Variants in ERBIN observed in about 807,000 individuals in gnomAD.
ERBIN encodes the protein erbb2 interacting protein.
A neutral mutation model predicts 158.4 loss-of-function variants in ERBIN; 60 were observed. That is an observed-to-expected ratio of 0.38 (90% confidence interval 0.31 to 0.47). ERBIN has a LOEUF of 0.47. Ranked by LOEUF, ERBIN falls within the 20% of genes least tolerant of loss-of-function variation. ERBIN has a pLI of 0.99. For missense variants in ERBIN, 1,610 were observed against 1,648.0 expected (o/e 0.98, Z 0.40); for synonymous variants, 594 against 557.2 (o/e 1.07, Z -0.93).
intron 7 of ERBIN, among the ~76,000 whole-genome samples, chr5:66,019,136 T>C (rs944327057): frequency 6.6e-6 from 1 of 152,198 alleles, no homozygotes; most frequent in Non-Finnish European, 1.5e-5. Context: ...ATGTTGTCTG[T>C]GAACAAGACT....
chr5:65,941,313 TAAAAAAA>T (rs1217469941), intron 1 of ERBIN, among the ~76,000 whole-genome samples: 1 of 60,088 alleles, frequency 1.7e-5, no homozygotes, highest in Non-Finnish European at 5.1e-5. Flanking sequence ...GAATGATCAA[TAAAAAAA>T]AAAAAAAAAA....
intron 1 of ERBIN, among the ~76,000 whole-genome samples, chr5:65,988,272 C>T (rs889723851): frequency 6.6e-6 from 1 of 151,872 alleles, no homozygotes; most frequent in Non-Finnish European, 1.5e-5. Context: ...TCTCAGGAGG[C>T]TGAGGTGGGA....
chr5:66,067,929 A>G (rs374539743), intron 21 of ERBIN, among the ~76,000 whole-genome samples: 1 of 152,300 alleles, frequency 6.6e-6, no homozygotes, highest in East Asian at 1.9e-4. Context: ...TGGGTAACAT[A>G]GCAAGACCCA....
chr5:66,053,369 C>G (rs1759238659), intron 20 of ERBIN, 37 bp from the exon 21 acceptor site: 1 of 1,299,958 alleles, frequency 7.7e-7, no homozygotes, highest in Non-Finnish European at 1.0e-6. Flanking sequence ...GAAAACTCGG[C>G]TTTATTATGT....
In ERBIN at chr5:66,004,133, G is replaced by T. The variant is rs561070812; in HGVS notation, c.308-7916G>T. 9.4e-5 allele frequency among the ~76,000 whole-genome samples: 14 copies of T among 148,928 alleles called. No individual in the cohort carries two copies. The South Asian group carries it at 2.6e-3, about 27-fold the overall frequency. ...TTTTTTTTTTTTTTTTAAGAGATGGGGTTTTGCCATGTTGCCCAGGCTGGT... is the reference window on the plus strand; with the variant it reads ...TTTTTTTTTTTTTTTTAAGAGATGGTGTTTTGCCATGTTGCCCAGGCTGGT... On this transcript the variant is annotated intron_variant, in intron 4 of 25. Coordinates refer to ENST00000284037, the MANE Select transcript of ERBIN (RefSeq NM_001253697.2).
intron 18 of ERBIN, 88 bp downstream of exon 18, chr5:66,046,626 T>C (rs749762321): frequency 1.8e-5 from 20 of 1,107,646 alleles, no homozygotes; most frequent in Admixed American, 7.5e-5. Context: ...ATACTGATTG[T>C]AGAAAATATG....
intron 4 of ERBIN, among the ~76,000 whole-genome samples, chr5:66,008,756 G>T (rs1753882672): frequency 6.6e-6 from 1 of 152,108 alleles, no homozygotes; most frequent in Non-Finnish European, 1.5e-5. Flanking sequence ...ATTTTAAAAT[G>T]AATTTGAATG....
At chr5:65,930,938 A>G (rs1743291922) in intron 1 of ERBIN, among the ~76,000 whole-genome samples, 1 of 152,210 alleles carries the variant, frequency 6.6e-6, no homozygotes, top group East Asian at 1.9e-4. Flanking sequence ...GTCACTTCAA[A>G]TTTTGTTCCA....
At chr5:66,056,624 AGTT>A (rs1396244043) in intron 21 of ERBIN, among the ~76,000 whole-genome samples, 1 of 151,988 alleles carries the variant, frequency 6.6e-6, no homozygotes, top group African/African-American at 2.4e-5. Flanking sequence ...GTAGTTTCCT[AGTT>A]GTTTTCACTA....
chr5:65,945,209 T>C (rs1308440714), intron 1 of ERBIN, among the ~76,000 whole-genome samples: 3 of 152,238 alleles, frequency 2.0e-5, no homozygotes, highest in Admixed American at 6.5e-5. Flanking sequence ...AACCAAGTCT[T>C]GTATTTTTCT....
chr5:66,057,825 G>C (rs1045103530), intron 21 of ERBIN, among the ~76,000 whole-genome samples: 2 of 151,034 alleles, frequency 1.3e-5, no homozygotes, highest in East Asian at 1.9e-4. Flanking sequence ...CCTTGTGATA[G>C]TTTGCTGAGA....
At chr5:65,990,103 G>C (rs1751699085) in intron 2 of ERBIN, among the ~76,000 whole-genome samples, 1 of 152,160 alleles carries the variant, frequency 6.6e-6, no homozygotes, top group Admixed American at 6.5e-5. Flanking sequence ...ATTTTAGATG[G>C]AAACATTTAA....
Position 66,075,266 on chromosome 5 carries a change from A to G in ERBIN, c.3963+36A>G. 2.6e-6 allele frequency: 4 copies of G among 1,519,358 alleles called. No individual in the cohort carries two copies. The Admixed American group carries it at 5.0e-5, about 19-fold the overall frequency. 94.1% of individuals were successfully genotyped at this position (1,519,358 alleles called of 1,614,324 possible). A position where few individuals can be genotyped will look rare whatever the true frequency, so the allele number is the denominator to read the frequency against. On this transcript the variant is annotated intron_variant, in intron 23 of 25. Coordinates refer to ENST00000284037, the MANE Select transcript of ERBIN (RefSeq NM_001253697.2). The stretch of plus-strand genomic sequence containing the variant: ...TCAAGACTATTTGAAATATGGGACT[A>G]AGCTTTTTATGTATTTTTATAGGTT...
At chr5:65,950,640 A>G (rs1746386150) in intron 1 of ERBIN, among the ~76,000 whole-genome samples, 1 of 152,204 alleles carries the variant, frequency 6.6e-6, no homozygotes, top group Non-Finnish European at 1.5e-5. Context: ...GCTCACCCTT[A>G]GGGTGAGGGG....
At chr5:66,064,384 C>T (rs1460683925) in intron 21 of ERBIN, among the ~76,000 whole-genome samples, 2 of 152,198 alleles carry the variant, frequency 1.3e-5, no homozygotes, top group African/African-American at 4.8e-5. Context: ...CCAGAAACTA[C>T]TATCACTGTA....
Position 66,048,836 on chromosome 5 carries a change from A to G in ERBIN, c.1903+55A>G, listed in dbSNP as rs151116369. 4.4e-4 allele frequency: 470 copies of G among 1,065,484 alleles called. 4 individuals are homozygous for G. The East Asian group carries it at 0.013, about 28-fold the overall frequency. The allele number at this position is 1,065,484 out of a possible 1,614,324, so 66.0% of individuals were successfully genotyped here. ...AGAAATTGCCTCAATAAATTTATAA[A>G]TTTTTTTGAAATAAATTTCATTGAA... is the stretch of plus-strand genomic sequence containing the variant. On this transcript the variant is annotated intron_variant, in intron 19 of 25. Transcript: ENST00000284037.
intron 15 of ERBIN, among the ~76,000 whole-genome samples, chr5:66,041,060 A>G (rs1431239306): frequency 3.3e-5 from 5 of 151,840 alleles, no homozygotes; most frequent in Non-Finnish European, 7.4e-5. Flanking sequence ...TTCTTTTTAC[A>G]TTGAAGTGAA....
chr5:65,948,838 G>C (rs945029065), intron 1 of ERBIN, among the ~76,000 whole-genome samples: 4 of 135,648 alleles, frequency 2.9e-5, no homozygotes, highest in Non-Finnish European at 6.1e-5. Context: ...ATTTCAGCTC[G>C]CTGCAGCCTC....
At chr5:65,981,645 A>AAAC (rs199587305) in intron 1 of ERBIN, among the ~76,000 whole-genome samples, 16 of 151,356 alleles carry the variant, frequency 1.1e-4, no homozygotes, top group African/African-American at 3.7e-4. Flanking sequence ...AGTTATTTTT[A>AAAC]AACAACAAAA....
Sources: allele counts gnomAD v4.1 joint callset (sites outside exome capture counted in the v4.1 genomes callset), GRCh38; gene constraint gnomAD v4.1.1; transcripts MANE v1.5; gene names NCBI Gene and HGNC (gene_info 2026-07-23, HGNC 2026-07-21).